The following OLAH variants were observed in gnomAD, a reference collection of about 807,000 sequenced individuals.
OLAH encodes the protein S-acyl fatty acid synthase thioesterase, medium chain.
OLAH carries 33 observed loss-of-function variants against 27.8 expected under a neutral mutation model. The ratio of observed to expected loss-of-function variants is 1.19; its 90% CI spans 0.90 to 1.59. The LOEUF (loss-of-function observed/expected upper bound fraction) is 1.59, where lower values mean the gene tolerates loss of function less well. Among genes scored for constraint, OLAH ranks in the 40% most tolerant of loss-of-function variants. The pLI is 0.00. For synonymous variants in OLAH, 120 were observed against 102.9 expected (o/e 1.17, Z -1.01); for missense variants, 359 against 310.8 (o/e 1.16, Z -1.17).
At chr10:15,061,667 C>G in intron 3 of OLAH, 57 bp from the exon 4 acceptor site, 1 of 1,433,428 alleles carries the variant, frequency 7.0e-7, no homozygotes, top group Non-Finnish European at 9.2e-7. Flanking sequence ...CCTTTTATAA[C>G]ATCACAATAT....
chr10:15,073,443 G>A lies in OLAH; in HGVS notation c.*214G>A, dbSNP rs538417835. ...TGGGAGGCCAAGGCGGGCGGATCACGAGGTCAGGAGATCGAGACCGTCCTG... is the reference window on the plus strand; with the variant it reads ...TGGGAGGCCAAGGCGGGCGGATCACAAGGTCAGGAGATCGAGACCGTCCTG... On this transcript the variant is annotated 3_prime_UTR_variant, in exon 8 of 8. Coordinates refer to ENST00000378228, the MANE Select transcript of OLAH (RefSeq NM_001039702.3). 1.3e-3 allele frequency: 572 copies of A among 430,742 alleles called. 9 individuals carry two copies. In the South Asian group the frequency reaches 0.014, roughly 11 times the overall value. The allele number at this position is 430,742 out of a possible 1,614,324, so 26.7% of individuals were successfully genotyped here.
chr10:15,056,951 T>G (rs1454292896), intron 3 of OLAH: 1 of 1,502,176 alleles, frequency 6.7e-7, no homozygotes, highest in Non-Finnish European at 8.9e-7. Context: ...TGGCCAAAAT[T>G]CTTGGTCTAT....
chr10:15,049,668 C>T lies in OLAH; in HGVS notation c.66C>T (p.Asn22=). The T allele has an allele frequency of 1.2e-6, 2 of 1,603,832 alleles. 1 individual carries two copies. Among genetic ancestry groups the T allele is most frequent in the East Asian group, 4.5e-5 (2 of 44,674 alleles). Residue 22 remains asparagine (N), a synonymous_variant, in exon 3 of 8, where the codon AAC becomes AAT. Transcript: ENST00000378228. ...NENIFNCLYK[N]PEATFKLICF... ...ACATTTTCAACTGCTTATACAAAAA[C>T]CCTGAGGCAACTTTTAAGCTGATTT...
At chr10:15,053,684 C>T (rs957932093) in intron 3 of OLAH, among the ~76,000 whole-genome samples, 27 of 152,010 alleles carry the variant, frequency 1.8e-4, no homozygotes, top group African/African-American at 6.0e-4. Flanking sequence ...GTGTACTTCA[C>T]ACTTCACTTC....
intron 6 of OLAH, among the ~76,000 whole-genome samples, chr10:15,070,628 A>C (rs760879024): frequency 2.0e-4 from 30 of 151,890 alleles, no homozygotes; most frequent in Non-Finnish European, 3.5e-4. Flanking sequence ...CATTACGGGC[A>C]TGCACCACCA....
At position 15,049,514 on chromosome 10, in the gene OLAH, C is replaced by T. The variant is rs577320553; in HGVS notation, c.33-121C>T. On this transcript the variant is annotated intron_variant, in intron 2 of 7. Transcript: ENST00000378228. ...TTCTTATTGGAAAAATTTGCAATCA[C>T]TTTATATATGAACATATGTTTCTTA... is the stretch of plus-strand genomic sequence containing the variant. 1.5e-5 allele frequency: 10 copies of T among 683,184 alleles called. No individual in the cohort carries two copies. The East Asian group carries it at 3.4e-4, about 23-fold the overall frequency. 42.3% of individuals were successfully genotyped at this position (683,184 alleles called of 1,614,324 possible).
At chr10:15,058,249 G>A (rs547491332) in intron 3 of OLAH, among the ~76,000 whole-genome samples, 2 of 152,114 alleles carry the variant, frequency 1.3e-5, no homozygotes, top group East Asian at 3.9e-4. Flanking sequence ...ACCATGCTTG[G>A]TTAATTTTTT....
intron 5 of OLAH, among the ~76,000 whole-genome samples, chr10:15,064,820 G>T (rs908374328): frequency 2.0e-5 from 3 of 152,124 alleles, no homozygotes; most frequent in African/African-American, 7.2e-5. Context: ...ACCACAGCCA[G>T]CTAATTTTGT....
intron 6 of OLAH, among the ~76,000 whole-genome samples, chr10:15,070,485 G>C (rs768245392): frequency 6.6e-5 from 10 of 152,124 alleles, no homozygotes; most frequent in Middle Eastern, 3.4e-3. Flanking sequence ...TTGTTGTTTT[G>C]TTTTGCTTTG....
At position 15,071,934 on chromosome 10, in the gene OLAH, A is replaced by C. The variant is rs1589255803; in HGVS notation, c.655+57A>C. 2.2e-5 allele frequency: 31 copies of C among 1,400,964 alleles called. No homozygotes were observed. The East Asian group carries it at 6.9e-4, about 31-fold the overall frequency. 86.8% of individuals were successfully genotyped at this position (1,400,964 alleles called of 1,614,324 possible). A position where few individuals can be genotyped will look rare whatever the true frequency, so the allele number is the denominator to read the frequency against. ...TGAAATATATGTTTGATGGCTTTAA[A>C]ATTTTTTTTTTTCTTTTGAGACAGA... On this transcript the variant is annotated intron_variant, in intron 7 of 7. Coordinates refer to ENST00000378228, the MANE Select transcript of OLAH (RefSeq NM_001039702.3).
chr10:15,069,963 T>C (rs1325055759), intron 6 of OLAH, among the ~76,000 whole-genome samples: 2 of 152,130 alleles, frequency 1.3e-5, no homozygotes, highest in African/African-American at 4.8e-5. Flanking sequence ...TTTCGGCTGA[T>C]TTGAGTCTTA....
At chr10:15,052,197 C>T (rs191608675) in intron 3 of OLAH, among the ~76,000 whole-genome samples, 34 of 152,192 alleles carry the variant, frequency 2.2e-4, no homozygotes, top group Non-Finnish European at 4.0e-4. Context: ...GCAGAAGAAC[C>T]GCTTGAACCT....
At chr10:15,066,240 CAAA>C (rs201236007) in intron 6 of OLAH, among the ~76,000 whole-genome samples, 7 of 92,862 alleles carry the variant, frequency 7.5e-5, no homozygotes, top group South Asian at 3.5e-4. Flanking sequence ...GACTCCATCT[CAAA>C]AAAAAAAAAA....
At chr10:15,047,421 C>A in intron 2 of OLAH, 101 bp downstream of exon 2, 2 of 1,177,592 alleles carry the variant, frequency 1.7e-6, no homozygotes, top group Non-Finnish European at 2.5e-6. Context: ...GGTTTCTCAG[C>A]CAGGTGCTCA....
At chr10:15,063,397 T>C (rs1381591947) in intron 4 of OLAH, among the ~76,000 whole-genome samples, 3 of 152,192 alleles carry the variant, frequency 2.0e-5, no homozygotes, top group African/African-American at 7.2e-5. Context: ...TCTCAAAATG[T>C]TGGGATCACA....
At chr10:15,060,165 T>A (rs76225207) in intron 3 of OLAH, among the ~76,000 whole-genome samples, 1,730 of 152,218 alleles carry the variant, frequency 0.011, 32 homozygotes, top group African/African-American at 0.04. Flanking sequence ...TTTCTACACT[T>A]AATTTTCTTT....
rs1308910977 is a variant in OLAH at position 15,071,856 on chromosome 10, G to A, written c.634G>A (p.Asp212Asn). The change falls in exon 7 of 8, where the codon GAC (aspartate) becomes AAC (asparagine). Residue 212 changes from aspartate to asparagine, a missense_variant. Coordinates refer to ENST00000378228, the MANE Select transcript of OLAH (RefSeq NM_001039702.3). ...CTTGACATGTTTTGTTGGATCTGAA[G>A]ACATAGCAAAGGACATGGAAGGTGA... is the stretch of plus-strand genomic sequence containing the variant. ...CDLTCFVGSE[D>N]IAKDMEAWKD... 6.2e-7 allele frequency: 1 copy of A among 1,612,480 alleles called. No individual in the cohort carries two copies. The highest frequency in any genetic ancestry group is 8.5e-7 in the Non-Finnish European group (1 of 1,178,480).
intron 3 of OLAH, among the ~76,000 whole-genome samples, chr10:15,051,797 T>C (rs1844149470): frequency 6.6e-6 from 1 of 152,192 alleles, no homozygotes; most frequent in Non-Finnish European, 1.5e-5. Context: ...ATTCTTTGGA[T>C]GAAGTTTGTC....
chr10:15,057,208 T>C (rs1844262834), intron 3 of OLAH, among the ~76,000 whole-genome samples: 1 of 152,276 alleles, frequency 6.6e-6, no homozygotes, highest in Middle Eastern at 3.4e-3. Flanking sequence ...AATTCTAAAG[T>C]ATTTTGTCAT....
Sources: allele counts gnomAD v4.1 joint callset (sites outside exome capture counted in the v4.1 genomes callset), GRCh38; gene constraint gnomAD v4.1.1; transcripts MANE v1.5; gene names NCBI Gene and HGNC (gene_info 2026-07-23, HGNC 2026-07-21).